The following MKX variants were observed in gnomAD, a reference collection of about 807,000 sequenced individuals.
MKX encodes mohawk homeobox.
A neutral mutation model predicts 36.0 loss-of-function variants in MKX; 13 were observed. The observed-to-expected ratio is 0.36, with a 90% confidence interval of 0.24 to 0.57. The LOEUF is 0.57. MKX is among the 20% of genes least tolerant of loss of function. The pLI, the probability that MKX is intolerant of heterozygous loss-of-function variation, is 0.79. For synonymous variants in MKX, 176 were observed against 178.3 expected (o/e 0.99, Z 0.10); for missense variants, 458 against 456.4 (o/e 1.00, Z -0.03).
intron 5 of MKX, among the ~76,000 whole-genome samples, chr10:27,719,037 A>G (rs1589682342): frequency 6.6e-6 from 1 of 152,204 alleles, no homozygotes; most frequent in Non-Finnish European, 1.5e-5. Context: ...GTGTTATAGA[A>G]TTACCCTTTA....
intron 5 of MKX, among the ~76,000 whole-genome samples, chr10:27,714,398 T>C (rs1836927025): frequency 6.6e-6 from 1 of 152,216 alleles, no homozygotes; most frequent in South Asian, 2.1e-4. Flanking sequence ...TGTCATTGAG[T>C]CCCATTGTTA....
intron 5 of MKX, among the ~76,000 whole-genome samples, chr10:27,678,992 G>A (rs919890379): frequency 6.6e-6 from 1 of 152,132 alleles, no homozygotes; most frequent in African/African-American, 2.4e-5. Flanking sequence ...TACTACACAG[G>A]ATTCAATAGA....
chr10:27,716,613 A>C (rs1055938425), intron 5 of MKX, among the ~76,000 whole-genome samples: 2 of 152,092 alleles, frequency 1.3e-5, no homozygotes, highest in Non-Finnish European at 2.9e-5. Context: ...ATTTCAACTA[A>C]CTTACTTAGA....
Position 27,741,577 on chromosome 10 carries a change from A to G in MKX, c.189-73T>C. On this transcript the variant is annotated intron_variant, in intron 2 of 6. Coordinates refer to ENST00000419761, the MANE Select transcript of MKX (RefSeq NM_173576.3). This position sits in a 1 kb window ranked among gnomAD's most constrained non-coding sequence, Gnocchi z 5.1. ...CGCCCGGACGCTCCACGCCCCGGCC[A>G]AGCCCGGGCCCCGCATCCAAACTGC... The G allele has an allele frequency of 6.8e-7, 1 of 1,475,992 alleles. No individual in the cohort carries two copies. Among genetic ancestry groups the G allele is most frequent in the South Asian group, 1.4e-5 (1 of 72,142 alleles). 91.4% of individuals were successfully genotyped at this position (1,475,992 alleles called of 1,614,324 possible).
chr10:27,707,105 C>A (rs141637844), intron 5 of MKX, among the ~76,000 whole-genome samples: 18 of 147,522 alleles, frequency 1.2e-4, no homozygotes, highest in Admixed American at 2.7e-4. Flanking sequence ...TAGCATACAG[C>A]GTGTTATTAG....
At chr10:27,691,496 A>G (rs1435058218) in intron 5 of MKX, among the ~76,000 whole-genome samples, 1 of 152,212 alleles carries the variant, frequency 6.6e-6, no homozygotes, top group Non-Finnish European at 1.5e-5. Context: ...ATATTCCAGT[A>G]AGGGCCAACT....
In MKX at chr10:27,742,433, C is replaced by T. The variant is rs1834923837; in HGVS notation, c.188+795G>A. 6.6e-6 allele frequency among the ~76,000 whole-genome samples: 1 copy of T among 152,242 alleles called. No individual in the cohort carries two copies. Among genetic ancestry groups the T allele is most frequent in the South Asian group, 2.1e-4 (1 of 4,828 alleles). On this transcript the variant is annotated intron_variant, in intron 2 of 6. Coordinates refer to ENST00000419761, the MANE Select transcript of MKX (RefSeq NM_173576.3). This position sits in a 1 kb window ranked among gnomAD's most constrained non-coding sequence, Gnocchi z 4.2. ...ACTGGTAGTAACATTTTGACGAAACCGAATCTCTGTTTTACTAAGCAGCGA... is the reference window on the plus strand; with the variant it reads ...ACTGGTAGTAACATTTTGACGAAACTGAATCTCTGTTTTACTAAGCAGCGA...
At chr10:27,731,004 C>A (rs1281587226) in intron 5 of MKX, among the ~76,000 whole-genome samples, 1 of 151,344 alleles carries the variant, frequency 6.6e-6, no homozygotes, top group Non-Finnish European at 1.5e-5. Context: ...TGTGGTGGCA[C>A]GCACCTGTAA....
chr10:27,740,553 G>T (rs2132652687), intron 3 of MKX, among the ~76,000 whole-genome samples: 1 of 152,244 alleles, frequency 6.6e-6, no homozygotes, highest in Admixed American at 6.5e-5. Context: ...CTACAACATC[G>T]TGGTTTTGTG....
At chr10:27,735,502 A>G (rs1308068060) in intron 3 of MKX, 128 bp from the exon 4 acceptor site, 1 of 654,166 alleles carries the variant, frequency 1.5e-6, no homozygotes, top group Non-Finnish European at 2.4e-6. Flanking sequence ...ACATAAGAAT[A>G]CCGGACATTC....
intron 1 of MKX, 27 bp from the exon 2 acceptor site, chr10:27,743,524 C>T (rs994160927): frequency 1.1e-4 from 134 of 1,211,816 alleles, no homozygotes; most frequent in Non-Finnish European, 1.4e-4. Context: ...CATCTCGTTA[C>T]TTACTGGCTG....
intron 5 of MKX, among the ~76,000 whole-genome samples, chr10:27,731,338 G>T (rs1206477596): frequency 6.6e-6 from 1 of 152,102 alleles, no homozygotes; most frequent in Non-Finnish European, 1.5e-5. Context: ...GGAATTGAAA[G>T]AATTCAGAAG....
At chr10:27,693,189 T>G (rs544825760) in intron 5 of MKX, among the ~76,000 whole-genome samples, 3 of 152,324 alleles carry the variant, frequency 2.0e-5, no homozygotes, top group Admixed American at 6.5e-5. Flanking sequence ...TGGCTGTGTG[T>G]GTGCTGAGAG....
chr10:27,680,915 A>G (rs1434604916), intron 5 of MKX, among the ~76,000 whole-genome samples: 1 of 152,210 alleles, frequency 6.6e-6, no homozygotes, highest in Non-Finnish European at 1.5e-5. Context: ...GCCAAGGGGG[A>G]AAACAAAGAC....
chr10:27,713,352 T>G (rs1589677940), intron 5 of MKX, among the ~76,000 whole-genome samples: 1 of 152,340 alleles, frequency 6.6e-6, no homozygotes, highest in Non-Finnish European at 1.5e-5. Flanking sequence ...TGTGCATTTT[T>G]CTGAAGAAGG....
At chr10:27,699,289 C>T (rs1257283638) in intron 5 of MKX, among the ~76,000 whole-genome samples, 1 of 152,062 alleles carries the variant, frequency 6.6e-6, no homozygotes, top group African/African-American at 2.4e-5. Flanking sequence ...TTATTTTAGC[C>T]ACAAGGTGCC....
At chr10:27,694,527 A>AAAT (rs547670335) in intron 5 of MKX, among the ~76,000 whole-genome samples, 2 of 114,334 alleles carry the variant, frequency 1.7e-5, no homozygotes, top group Non-Finnish European at 3.5e-5. Flanking sequence ...AAAAAAAAAA[A>AAAT]ATATATATAT....
intron 5 of MKX, among the ~76,000 whole-genome samples, chr10:27,704,417 A>G (rs552835265): frequency 1.3e-5 from 2 of 152,332 alleles, no homozygotes; most frequent in East Asian, 3.9e-4. Context: ...AATAAGCACA[A>G]CCAGACATTA....
At chr10:27,727,022 A>G (rs1288638461) in intron 5 of MKX, among the ~76,000 whole-genome samples, 1 of 152,172 alleles carries the variant, frequency 6.6e-6, no homozygotes, top group Non-Finnish European at 1.5e-5. Flanking sequence ...TATACAAGGC[A>G]GTGAGAGCCA....
Sources: gnomAD v4.1 joint callset for allele counts (sites outside exome capture counted in the v4.1 genomes callset) on GRCh38, gnomAD v4.1.1 for gene constraint, Gnocchi (gnomAD v3.1) non-coding constraint, MANE v1.5 for transcripts, NCBI Gene and HGNC (gene_info 2026-07-23, HGNC 2026-07-21) for gene names.